The following C1GALT1 variants were observed in gnomAD, a reference collection of about 807,000 sequenced individuals.
C1GALT1 encodes glycoprotein-N-acetylgalactosamine 3-beta-galactosyltransferase 1.
In C1GALT1, 11 loss-of-function variants were observed where a neutral mutation model predicts 31.0. That is an observed-to-expected ratio of 0.36 (90% CI 0.22 to 0.59). C1GALT1 has a LOEUF of 0.59. Ranked by LOEUF, C1GALT1 falls within the 20% of genes least tolerant of loss-of-function variation. The pLI, the probability that C1GALT1 is intolerant of heterozygous loss-of-function variation, is 0.79. For missense variants in C1GALT1, 424 were observed against 425.2 expected (o/e 1.00, Z 0.03); for synonymous variants, 175 against 143.6 (o/e 1.22, Z -1.56).
intron 1 of C1GALT1, among the ~76,000 whole-genome samples, chr7:7,223,612 G>C (rs1199454590): frequency 6.6e-6 from 1 of 152,104 alleles, no homozygotes; most frequent in African/African-American, 2.4e-5. Flanking sequence ...CTTATATCCT[G>C]TGACCTTGCT....
intron 1 of C1GALT1, among the ~76,000 whole-genome samples, chr7:7,217,086 C>G (rs1017467650): frequency 1.3e-5 from 2 of 152,106 alleles, no homozygotes; most frequent in African/African-American, 4.8e-5. Context: ...AGTTGAAATC[C>G]GCTGCATACT....
chr7:7,240,472 T>C (rs1783574743), intron 3 of C1GALT1, among the ~76,000 whole-genome samples: 1 of 152,180 alleles, frequency 6.6e-6, no homozygotes, highest in African/African-American at 2.4e-5. Flanking sequence ...TCTTAATATA[T>C]TTTGACCATT....
intron 3 of C1GALT1, among the ~76,000 whole-genome samples, chr7:7,241,672 T>C (rs759967746): frequency 1.8e-4 from 27 of 152,000 alleles, no homozygotes; most frequent in Non-Finnish European, 3.4e-4. Flanking sequence ...TACTGATATA[T>C]ATGAAAACTT....
intron 1 of C1GALT1, among the ~76,000 whole-genome samples, chr7:7,200,768 T>C (rs1341583470): frequency 6.6e-6 from 1 of 152,226 alleles, no homozygotes; most frequent in Admixed American, 6.5e-5. Context: ...ACTGATACTC[T>C]TTCTTCCACC....
At chr7:7,217,219 C>T (rs1039840078) in intron 1 of C1GALT1, among the ~76,000 whole-genome samples, 6 of 151,990 alleles carry the variant, frequency 3.9e-5, no homozygotes, top group African/African-American at 1.5e-4. Context: ...GACATGGACA[C>T]ACATGGAGGG....
intron 2 of C1GALT1, among the ~76,000 whole-genome samples, chr7:7,235,514 T>C (rs1783295422): frequency 6.6e-6 from 1 of 152,228 alleles, no homozygotes; most frequent in Non-Finnish European, 1.5e-5. Context: ...AACAGTTTGG[T>C]CACTGTGTAT....
At chr7:7,223,659 T>C (rs1782616289) in intron 1 of C1GALT1, among the ~76,000 whole-genome samples, 1 of 152,082 alleles carries the variant, frequency 6.6e-6, no homozygotes, top group Non-Finnish European at 1.5e-5. Context: ...TTTCACAAAA[T>C]CCTTGAGATT....
intron 3 of C1GALT1, among the ~76,000 whole-genome samples, chr7:7,240,778 C>T (rs1003988838): frequency 6.6e-6 from 1 of 152,120 alleles, no homozygotes; most frequent in Non-Finnish European, 1.5e-5. Flanking sequence ...TCAGGAGATT[C>T]TTACATAAAC....
At chr7:7,218,741 T>G (rs1782366026) in intron 1 of C1GALT1, among the ~76,000 whole-genome samples, 1 of 152,226 alleles carries the variant, frequency 6.6e-6, no homozygotes, top group Non-Finnish European at 1.5e-5. Flanking sequence ...ATTTAACATT[T>G]GGAAAGGTCC....
intron 1 of C1GALT1, among the ~76,000 whole-genome samples, chr7:7,197,157 G>A (rs1478491914): frequency 1.3e-5 from 2 of 152,160 alleles, no homozygotes; most frequent in African/African-American, 4.8e-5. Flanking sequence ...TTTTCTTACA[G>A]GGTTTTTCTG....
chr7:7,185,781 C>T (rs1334365850), intron 1 of C1GALT1, among the ~76,000 whole-genome samples: 1 of 152,230 alleles, frequency 6.6e-6, no homozygotes, highest in African/African-American at 2.4e-5. Context: ...AGGACTTCAA[C>T]CTATCTTTTG....
At chr7:7,193,805 T>C (rs1302189944) in intron 1 of C1GALT1, among the ~76,000 whole-genome samples, 1 of 152,172 alleles carries the variant, frequency 6.6e-6, no homozygotes, top group East Asian at 1.9e-4. Context: ...TACCCATCCA[T>C]GAGCATGGAA....
intron 2 of C1GALT1, among the ~76,000 whole-genome samples, chr7:7,160,607 A>C (rs529935963): frequency 6.6e-6 from 1 of 152,124 alleles, no homozygotes; most frequent in African/African-American, 2.4e-5. Context: ...ACCTAAATCC[A>C]TTCAGTAAAA....
At chr7:7,191,618 C>A (rs1400812295) in intron 1 of C1GALT1, among the ~76,000 whole-genome samples, 1 of 151,918 alleles carries the variant, frequency 6.6e-6, no homozygotes, top group African/African-American at 2.4e-5. Flanking sequence ...GTTCCAGTTT[C>A]TCCACATTCT....
At chr7:7,206,462 G>T (rs6975955) in intron 1 of C1GALT1, among the ~76,000 whole-genome samples, 5,926 of 151,908 alleles carry the variant, frequency 0.039, 265 homozygotes, top group African/African-American at 0.11. Context: ...ATCACCTGAA[G>T]TCGGGAGTCA....
chr7:7,196,459 A>G (rs1781292730), intron 1 of C1GALT1, among the ~76,000 whole-genome samples: 1 of 152,122 alleles, frequency 6.6e-6, no homozygotes, highest in Non-Finnish European at 1.5e-5. Flanking sequence ...ACTCCAGTCT[A>G]TCATTGATGG....
At chr7:7,226,021 T>TTA (rs1782743802) in intron 1 of C1GALT1, among the ~76,000 whole-genome samples, 2 of 152,318 alleles carry the variant, frequency 1.3e-5, no homozygotes, top group East Asian at 3.9e-4. Context: ...GTCCATTTAA[T>TTA]TAACCTGTCT....
chr7:7,194,566 C>T (rs192948950), intron 1 of C1GALT1, among the ~76,000 whole-genome samples: 24 of 152,164 alleles, frequency 1.6e-4, no homozygotes, highest in Non-Finnish European at 3.1e-4. Flanking sequence ...CTGTTGGATT[C>T]GGCTAGCTAG....
At chr7:7,211,194 G>T (rs891523896) in intron 1 of C1GALT1, among the ~76,000 whole-genome samples, 2 of 152,128 alleles carry the variant, frequency 1.3e-5, no homozygotes, top group African/African-American at 4.8e-5. Flanking sequence ...TGAGTATACA[G>T]GGCCCAGATA....
Sources: allele counts gnomAD v4.1 joint callset (sites outside exome capture counted in the v4.1 genomes callset), GRCh38; gene constraint gnomAD v4.1.1; transcripts MANE v1.5; gene names NCBI Gene and HGNC (gene_info 2026-07-23, HGNC 2026-07-21).